The following CCDC90B variants were observed in gnomAD, a reference collection of about 807,000 sequenced individuals.
CCDC90B encodes coiled-coil domain-containing protein 90B, mitochondrial.
In CCDC90B, 24 loss-of-function variants were observed where a neutral mutation model predicts 37.0. The ratio of observed to expected loss-of-function variants is 0.65; its 90% CI spans 0.47 to 0.91. The LOEUF (loss-of-function observed/expected upper bound fraction) is 0.91. Among genes scored for constraint, CCDC90B ranks in the 40% least tolerant of loss-of-function variants. The pLI, the probability that CCDC90B is intolerant of heterozygous loss-of-function variation, is 0.00. For missense variants in CCDC90B, 319 were observed against 299.0 expected, an observed-to-expected ratio of 1.07 and a Z score of -0.49; for synonymous variants, 113 against 101.1, an observed-to-expected ratio of 1.12 and a Z score of -0.71.
At chr11:83,264,068 A>C (rs1430316578) in intron 8 of CCDC90B, among the ~76,000 whole-genome samples, 1 of 152,238 alleles carries the variant, frequency 6.6e-6, no homozygotes, top group Non-Finnish European at 1.5e-5. Flanking sequence ...TGTTATATAG[A>C]AATACTAGCA....
At position 83,280,232 on chromosome 11, in the gene CCDC90B, T is replaced by C. The variant is rs1163364535; in HGVS notation, c.129A>G (p.Gly43=). 4 of 1,613,292 alleles carry C rather than the reference T, an allele frequency of 2.5e-6. No individual in the cohort carries two copies. The African/African-American group carries it at 5.3e-5, about 22-fold the overall frequency. Residue 43 remains glycine, a synonymous_variant, in exon 2 of 9, where the codon GGA becomes GGG. Transcript: ENST00000529689. ...REFFTTTTKE[G]YDRRPVDITP... is the part of the protein sequence containing the mutation. ...TTATATCCACTGGCCGCCTATCATATCCCTCCTTGGTTGTGGTAGTGAAGA... is the reference window on the plus strand; with the variant it reads ...TTATATCCACTGGCCGCCTATCATACCCCTCCTTGGTTGTGGTAGTGAAGA...
intron 1 of CCDC90B, among the ~76,000 whole-genome samples, chr11:83,284,524 A>G (rs1366322676): frequency 1.3e-5 from 2 of 152,216 alleles, no homozygotes; most frequent in East Asian, 3.8e-4. Context: ...GCACTAGAAT[A>G]ACTAAGGTCC....
intron 7 of CCDC90B, among the ~76,000 whole-genome samples, chr11:83,268,168 C>G (rs1864410364): frequency 6.6e-6 from 1 of 152,086 alleles, no homozygotes; most frequent in Admixed American, 6.5e-5. Context: ...TTGTAAAGAC[C>G]ATCGATGCTA....
In CCDC90B at chr11:83,261,014, T is replaced by C. The variant is rs529155629; in HGVS notation, c.*897A>G. Reference sequence around the variant, plus strand: ...TTTTGAGTATCAAATATTTAAAAAATACATGTAATAATCAGAGCTCAATAT... The same window carrying C: ...TTTTGAGTATCAAATATTTAAAAAACACATGTAATAATCAGAGCTCAATAT... On this transcript the variant is annotated 3_prime_UTR_variant, in exon 9 of 9. Coordinates refer to ENST00000529689, the MANE Select transcript of CCDC90B (RefSeq NM_021825.5). 2 of 152,308 alleles carry C rather than the reference T, an allele frequency of 1.3e-5. No homozygotes were observed. The highest frequency in any genetic ancestry group is 4.8e-5 in the African/African-American group (2 of 41,576). The allele number at this position is 152,308 out of a possible 1,614,324, so 9.4% of individuals were successfully genotyped here. A position where few individuals can be genotyped will look rare whatever the true frequency, so the allele number is the denominator to read the frequency against.
At chr11:83,268,827 A>G (rs955523603) in intron 7 of CCDC90B, among the ~76,000 whole-genome samples, 4 of 152,180 alleles carry the variant, frequency 2.6e-5, no homozygotes, top group Non-Finnish European at 4.4e-5. Context: ...ACCACATCAC[A>G]CTTATTCTAA....
intron 7 of CCDC90B, 166 bp downstream of exon 7, chr11:83,273,481 G>A: frequency 2.2e-6 from 1 of 456,550 alleles, no homozygotes. Context: ...CATCTACCTG[G>A]TGCCAGGTTC....
At chr11:83,267,996 G>A (rs1446085926) in intron 7 of CCDC90B, among the ~76,000 whole-genome samples, 1 of 152,098 alleles carries the variant, frequency 6.6e-6, no homozygotes, top group Non-Finnish European at 1.5e-5. Context: ...TTCATATCTA[G>A]CCAAACTAAG....
At chr11:83,285,836 A>C in intron 1 of CCDC90B, 37 bp downstream of exon 1, 1 of 1,589,552 alleles carries the variant, frequency 6.3e-7, no homozygotes, top group Non-Finnish European at 8.5e-7. Context: ...CTCCCTAGAG[A>C]GCACTCAGGC....
intron 7 of CCDC90B, among the ~76,000 whole-genome samples, chr11:83,270,186 A>T (rs1201927779): frequency 1.3e-5 from 2 of 152,178 alleles, no homozygotes; most frequent in Admixed American, 6.5e-5. Context: ...TGACAAACCC[A>T]CAGCCAATAT....
At chr11:83,268,063 T>G (rs566187980) in intron 7 of CCDC90B, among the ~76,000 whole-genome samples, 1 of 152,156 alleles carries the variant, frequency 6.6e-6, no homozygotes, top group East Asian at 1.9e-4. Context: ...CTGAGAGATT[T>G]TGTCACCACC....
At chr11:83,285,212 C>A in intron 1 of CCDC90B, 1 of 1,286,056 alleles carries the variant, frequency 7.8e-7, no homozygotes, top group Non-Finnish European at 1.0e-6. Flanking sequence ...GGTTTAAAAA[C>A]TGGGAGGGAA....
Position 83,286,001 on chromosome 11 carries a change from G to A in CCDC90B, c.-29C>T. Reference sequence around the variant, plus strand: ...CTCAGAGTTTTCCGGTGGGAGGGAGGCGGAAGACGGGGTAAATCTCGCACA... The same window carrying A: ...CTCAGAGTTTTCCGGTGGGAGGGAGACGGAAGACGGGGTAAATCTCGCACA... On this transcript the variant is annotated 5_prime_UTR_variant, in exon 1 of 9. Transcript: ENST00000529689. The A allele has an allele frequency of 1.3e-6, 2 of 1,590,514 alleles. No individual in the cohort carries two copies. The highest frequency in any genetic ancestry group is 8.6e-7 in the Non-Finnish European group (1 of 1,168,354).
rs2135574737 is a variant in CCDC90B at position 83,260,275 on chromosome 11, CTG to C, written c.*1634_*1635del. On this transcript the variant is annotated 3_prime_UTR_variant, in exon 9 of 9. Transcript: ENST00000529689. ...AATGAGAATGAAACCATGTTCATCT[CTG>C]TGCACACAGGGACTAGCATGCTGTT... 2 of 152,318 alleles carry C rather than the reference CTG, an allele frequency of 1.3e-5. No individual in the cohort carries two copies. Among genetic ancestry groups the C allele is most frequent in the Admixed American group, 1.3e-4 (2 of 15,294 alleles). The allele number at this position is 152,318 out of a possible 1,614,324, so 9.4% of individuals were successfully genotyped here.
At chr11:83,283,110 G>A (rs1430516106) in intron 1 of CCDC90B, among the ~76,000 whole-genome samples, 1 of 152,216 alleles carries the variant, frequency 6.6e-6, no homozygotes, top group Non-Finnish European at 1.5e-5. Flanking sequence ...CAGTCCTTGA[G>A]AGCAGGGACC....
At chr11:83,274,612 T>C in intron 4 of CCDC90B, 27 bp downstream of exon 4, 1 of 1,353,298 alleles carries the variant, frequency 7.4e-7, no homozygotes, top group Non-Finnish European at 1.0e-6. Flanking sequence ...AGTTATTTTA[T>C]AAGTAATAAA....
chr11:83,273,696 G>A lies in CCDC90B; in HGVS notation c.545C>T (p.Thr182Ile). The A allele has an allele frequency of 6.2e-7, 1 of 1,603,306 alleles. No individual in the cohort carries two copies. The highest frequency in any genetic ancestry group is 1.7e-5 in the Admixed American group (1 of 57,462). The change falls in exon 7 of 9, where the codon ACA becomes ATA. Residue 182 changes from threonine to isoleucine, a missense_variant. Thr to Ile is a moderately conservative substitution (Grantham distance 89). Transcript: ENST00000529689. The part of the protein sequence containing the change: ...LERSRVTDMF[T>I]DQEKQLMETT... Reference sequence around the variant, plus strand: ...TTCCATAAGTTGCTTTTCTTGATCTGTAAACTATAGGATATGAAGCAGCAG... The same window carrying A: ...TTCCATAAGTTGCTTTTCTTGATCTATAAACTATAGGATATGAAGCAGCAG...
intron 8 of CCDC90B, among the ~76,000 whole-genome samples, chr11:83,264,787 G>T (rs1228818462): frequency 6.6e-6 from 1 of 151,932 alleles, no homozygotes; most frequent in East Asian, 1.9e-4. Context: ...CATAAAAAAT[G>T]ATGAGTTCAT....
At position 83,278,820 on chromosome 11, in the gene CCDC90B, T is replaced by C. The variant is rs143522058; in HGVS notation, c.230A>G (p.Lys77Arg). Residue 77 changes from lysine (K) to arginine (R), a missense_variant, in exon 3 of 9, where the codon AAA becomes AGA. Transcript: ENST00000529689. ...TGATACAATTGTTTCTGCTTGTGTT[T>C]TGTCAAATCCTGTAGGCAGCAAATA... ...VQDLETHGFD[K>R]TQAETIVSAL... 1 of 1,612,332 alleles carries C rather than the reference T, an allele frequency of 6.2e-7. No individual in the cohort carries two copies. The highest frequency in any genetic ancestry group is 1.3e-5 in the African/African-American group (1 of 75,006).
chr11:83,265,373 A>C (rs1160004339), intron 8 of CCDC90B, among the ~76,000 whole-genome samples: 1 of 152,174 alleles, frequency 6.6e-6, no homozygotes, highest in Non-Finnish European at 1.5e-5. Context: ...AACCTCTTTC[A>C]AATCTTTATG....
Sources: allele counts gnomAD v4.1 joint callset (sites outside exome capture counted in the v4.1 genomes callset), GRCh38; gene constraint gnomAD v4.1.1; transcripts MANE v1.5; gene names NCBI Gene and HGNC (gene_info 2026-07-23, HGNC 2026-07-21).